The following FSTL5 variants were observed in gnomAD, a reference collection of about 807,000 sequenced individuals.
FSTL5 encodes follistatin-related protein 5.
A neutral mutation model predicts 89.1 loss-of-function variants in FSTL5; 62 were observed. The observed-to-expected ratio is 0.70, with a 90% CI of 0.57 to 0.86. The LOEUF is 0.86. Ranked by LOEUF, FSTL5 falls within the 40% of genes least tolerant of loss-of-function variation. The pLI is 0.00. For missense variants in FSTL5, 1,057 were observed against 1,001.6 expected (o/e 1.06, Z -0.75); for synonymous variants, 383 against 346.2 (o/e 1.11, Z -1.18).
intron 1 of FSTL5, among the ~76,000 whole-genome samples, chr4:162,137,255 T>A (rs907597865): frequency 2.0e-5 from 3 of 152,098 alleles, no homozygotes; most frequent in Non-Finnish European, 2.9e-5. Flanking sequence ...CATTTAATAG[T>A]TTATTAATGT....
chr4:161,412,488 T>C (rs1366836181), intron 15 of FSTL5, among the ~76,000 whole-genome samples: 1 of 151,674 alleles, frequency 6.6e-6, no homozygotes, highest in Non-Finnish European at 1.5e-5. Flanking sequence ...CATCACACAC[T>C]GGGGCCTGTC....
At chr4:161,579,222 T>G (rs1733340842) in intron 8 of FSTL5, among the ~76,000 whole-genome samples, 1 of 152,174 alleles carries the variant, frequency 6.6e-6, no homozygotes. Context: ...TGTTTTAAGG[T>G]TCTTTATACA....
chr4:161,618,194 A>G (rs1466815220), intron 7 of FSTL5, among the ~76,000 whole-genome samples: 4 of 139,610 alleles, frequency 2.9e-5, no homozygotes, highest in Non-Finnish European at 6.1e-5. Context: ...ACTTTGCTGA[A>G]GTTGCTTATC....
In FSTL5 at chr4:161,551,219, A is replaced by G. The variant is rs558788842; in HGVS notation, c.1016-8526T>C. 4.2e-3 allele frequency among the ~76,000 whole-genome samples: 632 copies of G among 148,968 alleles called. 3 individuals are homozygous for G. The highest frequency in any genetic ancestry group is 0.017 in the Middle Eastern group (5 of 292). On this transcript the variant is annotated intron_variant, in intron 8 of 15. Transcript: ENST00000306100. ...CCACCAACAGTGTAAAAGTGTTCCT[A>G]TTTCTCCACATCCTCTCCAGCACCT...
chr4:161,483,622 A>C (rs1034603077), intron 12 of FSTL5, among the ~76,000 whole-genome samples: 6 of 152,116 alleles, frequency 3.9e-5, no homozygotes, highest in Non-Finnish European at 8.8e-5. Flanking sequence ...ATTATTTCTG[A>C]TTATATTATA....
At chr4:162,032,775 T>G (rs1184981718) in intron 3 of FSTL5, 1 of 152,178 alleles carries the variant, frequency 6.6e-6, no homozygotes, top group African/African-American at 2.4e-5. Context: ...AACTACTTCA[T>G]ATTTATTTTT....
chr4:162,099,056 C>T (rs1730880417), intron 2 of FSTL5, among the ~76,000 whole-genome samples: 1 of 151,890 alleles, frequency 6.6e-6, no homozygotes, highest in Non-Finnish European at 1.5e-5. Context: ...TTTTTAGGTG[C>T]ATGTGATAGT....
chr4:161,468,407 A>G (rs1436070251), intron 13 of FSTL5, among the ~76,000 whole-genome samples: 1 of 152,064 alleles, frequency 6.6e-6, no homozygotes, highest in African/African-American at 2.4e-5. Context: ...TGATAGTAGG[A>G]TATCTGAGAA....
intron 3 of FSTL5, among the ~76,000 whole-genome samples, chr4:162,003,869 T>G (rs1736536218): frequency 6.6e-6 from 1 of 152,136 alleles, no homozygotes; most frequent in Admixed American, 6.5e-5. Context: ...ACAAATAATA[T>G]AGATATAGGT....
intron 3 of FSTL5, among the ~76,000 whole-genome samples, chr4:161,935,003 G>T (rs1170890367): frequency 6.6e-6 from 1 of 152,084 alleles, no homozygotes; most frequent in Admixed American, 6.6e-5. Context: ...CAATTATGGT[G>T]CATACTGATG....
intron 6 of FSTL5, among the ~76,000 whole-genome samples, chr4:161,742,692 TG>T (rs1400059599): frequency 7.9e-5 from 12 of 152,262 alleles, no homozygotes; most frequent in South Asian, 2.1e-4. Flanking sequence ...TGGATGAGTA[TG>T]ATAAGATTCA....
chr4:161,894,846 C>T (rs545356654), intron 4 of FSTL5, among the ~76,000 whole-genome samples: 62 of 152,284 alleles, frequency 4.1e-4, no homozygotes, highest in Middle Eastern at 3.4e-3. Flanking sequence ...GTACATGAAG[C>T]TTCTATAAGA....
In FSTL5 at chr4:161,385,320, T is replaced by A. The variant is rs1306009246; in HGVS notation, c.*427A>T. On this transcript the variant is annotated 3_prime_UTR_variant, in exon 16 of 16. Transcript: ENST00000306100. ...AAACAGTGGACAGGACCGAATATTT[T>A]GAATTAAGAATTTTAAGTTTCCACA... 6.2e-6 allele frequency: 1 copy of A among 162,004 alleles called. No individual in the cohort carries two copies. The highest frequency in any genetic ancestry group is 5.9e-5 in the Admixed American group (1 of 16,966). 10.0% of individuals were successfully genotyped at this position (162,004 alleles called of 1,614,324 possible).
chr4:161,656,046 C>T (rs1234153365), intron 7 of FSTL5, among the ~76,000 whole-genome samples: 2 of 152,110 alleles, frequency 1.3e-5, no homozygotes, highest in African/African-American at 4.8e-5. Context: ...AGAATATTTA[C>T]ATATTAAAAC....
intron 4 of FSTL5, among the ~76,000 whole-genome samples, chr4:161,860,155 G>A (rs1255305491): frequency 6.6e-6 from 1 of 152,068 alleles, no homozygotes; most frequent in Admixed American, 6.5e-5. Context: ...GGGCGTGGTG[G>A]CGGGCGCCTG....
At chr4:162,027,289 T>C (rs1737331037) in intron 3 of FSTL5, among the ~76,000 whole-genome samples, 1 of 152,110 alleles carries the variant, frequency 6.6e-6, no homozygotes, top group African/African-American at 2.4e-5. Flanking sequence ...TTGAGATCTA[T>C]ACTACTTGAA....
chr4:161,630,423 A>G (rs946637297), intron 7 of FSTL5, among the ~76,000 whole-genome samples: 2 of 152,192 alleles, frequency 1.3e-5, no homozygotes, highest in African/African-American at 4.8e-5. Context: ...AAGCCCTTGA[A>G]AATATGTGCT....
At chr4:161,389,667 C>T (rs1161978653) in intron 15 of FSTL5, among the ~76,000 whole-genome samples, 4 of 152,086 alleles carry the variant, frequency 2.6e-5, no homozygotes, top group Admixed American at 6.6e-5. Context: ...TTGACTTCCA[C>T]GAGTTCCAAT....
intron 6 of FSTL5, among the ~76,000 whole-genome samples, chr4:161,708,998 C>A (rs938864931): frequency 6.6e-5 from 10 of 152,046 alleles, no homozygotes; most frequent in African/African-American, 2.4e-4. Context: ...TAAATTTATG[C>A]AAAATCTAAT....
Sources: allele counts gnomAD v4.1 joint callset (sites outside exome capture counted in the v4.1 genomes callset), GRCh38; gene constraint gnomAD v4.1.1; transcripts MANE v1.5; gene names NCBI Gene and HGNC (gene_info 2026-07-23, HGNC 2026-07-21).